Variants in ARFIP1 observed in about 807,000 individuals in gnomAD.
ARFIP1 encodes the protein arfaptin-1.
ARFIP1 carries 24 observed loss-of-function variants against 42.5 expected under a neutral mutation model. That is an observed-to-expected ratio of 0.57 (90% confidence interval 0.41 to 0.80). ARFIP1 has a LOEUF of 0.80. ARFIP1 is among the 30% of genes least tolerant of loss of function. ARFIP1 has a pLI of 0.00. For missense variants in ARFIP1, 354 were observed against 434.0 expected, an observed-to-expected ratio of 0.82 and a Z score of 1.64; for synonymous variants, 141 against 153.7, an observed-to-expected ratio of 0.92 and a Z score of 0.61.
chr4:152,808,293 T>G (rs1441825598), intron 1 of ARFIP1, among the ~76,000 whole-genome samples: 1 of 105,846 alleles, frequency 9.4e-6, no homozygotes. Flanking sequence ...ATTTTTTTTT[T>G]TTTTTTTTTT....
At chr4:152,783,834 GGTGTGT>G (rs748960689) in intron 1 of ARFIP1, among the ~76,000 whole-genome samples, 4 of 149,858 alleles carry the variant, frequency 2.7e-5, no homozygotes, top group East Asian at 1.9e-4. Flanking sequence ...ATAAGTCTCT[GGTGTGT>G]GTGTGTGTGT....
chr4:152,900,399 T>C (rs1737728359), intron 8 of ARFIP1, among the ~76,000 whole-genome samples: 1 of 152,186 alleles, frequency 6.6e-6, no homozygotes, highest in Admixed American at 6.5e-5. Context: ...GCCTTTTGTT[T>C]TTCCTTCTTA....
chr4:152,818,409 T>C (rs972414486), intron 1 of ARFIP1, among the ~76,000 whole-genome samples: 6 of 152,158 alleles, frequency 3.9e-5, no homozygotes, highest in African/African-American at 1.2e-4. Context: ...GTGGGGAATA[T>C]ATGGGAAGGA....
chr4:152,834,530 C>T (rs1731497723), intron 2 of ARFIP1, among the ~76,000 whole-genome samples: 1 of 152,184 alleles, frequency 6.6e-6, no homozygotes, highest in South Asian at 2.1e-4. Context: ...GGGGAATAGG[C>T]CCCACACAAA....
intron 2 of ARFIP1, among the ~76,000 whole-genome samples, chr4:152,844,001 C>T (rs1400113415): frequency 2.6e-5 from 4 of 152,136 alleles, no homozygotes; most frequent in Admixed American, 2.6e-4. Flanking sequence ...TGGAGTTTTA[C>T]CCCCTGCTCC....
intron 1 of ARFIP1, among the ~76,000 whole-genome samples, chr4:152,814,990 T>A (rs1444176926): frequency 1.3e-5 from 2 of 152,208 alleles, no homozygotes; most frequent in Non-Finnish European, 2.9e-5. Flanking sequence ...GGAGGTTCAG[T>A]AGGGTCTTTG....
intron 2 of ARFIP1, among the ~76,000 whole-genome samples, chr4:152,863,403 T>G (rs1247860033): frequency 1.3e-5 from 2 of 152,232 alleles, no homozygotes; most frequent in Non-Finnish European, 1.5e-5. Flanking sequence ...GTATGTGATG[T>G]ACACAATACC....
chr4:152,780,220 A>G lies in ARFIP1; in HGVS notation c.-16A>G, dbSNP rs1730397536. On this transcript the variant is annotated 5_prime_UTR_variant, in exon 1 of 9. Coordinates refer to ENST00000353617, the MANE Select transcript of ARFIP1 (RefSeq NM_001025595.3). ...GACTTAGAAGCTACCGAGTTACCCT[A>G]AGAAAGGTGAGGGCGGAGCTGGCTC... is the stretch of plus-strand genomic sequence containing the variant. The G allele has an allele frequency of 6.6e-6, 1 of 152,292 alleles. No homozygotes were observed. The highest frequency in any genetic ancestry group is 2.4e-5 in the African/African-American group (1 of 41,434). 9.4% of individuals were successfully genotyped at this position (152,292 alleles called of 1,614,324 possible). A position where few individuals can be genotyped will look rare whatever the true frequency, so the allele number is the denominator to read the frequency against.
At chr4:152,827,072 G>A (rs1029935730) in intron 1 of ARFIP1, among the ~76,000 whole-genome samples, 2 of 152,156 alleles carry the variant, frequency 1.3e-5, no homozygotes, top group Non-Finnish European at 2.9e-5. Flanking sequence ...TTTATAAGAT[G>A]AAAAAGTTTT....
intron 1 of ARFIP1, among the ~76,000 whole-genome samples, chr4:152,783,894 AT>A (rs1730647601): frequency 6.6e-6 from 1 of 152,092 alleles, no homozygotes; most frequent in Non-Finnish European, 1.5e-5. Flanking sequence ...AATTGTAAGT[AT>A]TATAAATTCT....
At chr4:152,831,604 T>G (rs1561128857) in intron 2 of ARFIP1, among the ~76,000 whole-genome samples, 1 of 152,230 alleles carries the variant, frequency 6.6e-6, no homozygotes, top group Non-Finnish European at 1.5e-5. Flanking sequence ...CATCCCATCC[T>G]GGGATAACCA....
At chr4:152,815,133 C>A (rs188116583) in intron 1 of ARFIP1, among the ~76,000 whole-genome samples, 1 of 152,242 alleles carries the variant, frequency 6.6e-6, no homozygotes, top group Non-Finnish European at 1.5e-5. Context: ...TTCCCTGTAT[C>A]TCAGATTTTG....
At chr4:152,804,185 T>A (rs28429929) in intron 1 of ARFIP1, among the ~76,000 whole-genome samples, 7 of 108,414 alleles carry the variant, frequency 6.5e-5, no homozygotes, top group African/African-American at 1.1e-4. Flanking sequence ...TATTATATAT[T>A]ATATATAATA....
At chr4:152,799,194 A>T (rs1731651652) in intron 1 of ARFIP1, among the ~76,000 whole-genome samples, 1 of 150,160 alleles carries the variant, frequency 6.7e-6, no homozygotes, top group Non-Finnish European at 1.5e-5. Flanking sequence ...TTGTCTTTAG[A>T]ATGGTTTGCC....
intron 2 of ARFIP1, among the ~76,000 whole-genome samples, chr4:152,852,456 C>T (rs1244656347): frequency 6.6e-6 from 1 of 151,978 alleles, no homozygotes; most frequent in Non-Finnish European, 1.5e-5. Flanking sequence ...CACGGTGAAA[C>T]CCTGTCTCTA....
At chr4:152,903,860 C>G (rs1169718596) in intron 8 of ARFIP1, among the ~76,000 whole-genome samples, 1 of 152,006 alleles carries the variant, frequency 6.6e-6, no homozygotes, top group Non-Finnish European at 1.5e-5. Context: ...GGGAAACAAA[C>G]TGACTTATAT....
chr4:152,889,523 A>G, intron 8 of ARFIP1, among the ~76,000 whole-genome samples: 1 of 90,634 alleles, frequency 1.1e-5, no homozygotes, highest in Admixed American at 1.5e-4. Context: ...ATATATATAT[A>G]TATATATATA....
chr4:152,908,891 AGTGTGTGTGTGTGTGTGT>A (rs58362465), intron 8 of ARFIP1, among the ~76,000 whole-genome samples: 31 of 132,562 alleles, frequency 2.3e-4, no homozygotes, highest in South Asian at 1.0e-3. Context: ...GCTAGAGAGA[AGTGTGTGTGTGTGTGTGT>A]GTGTGTGTGT....
intron 2 of ARFIP1, among the ~76,000 whole-genome samples, chr4:152,863,090 T>G (rs1222337079): frequency 6.6e-6 from 1 of 152,204 alleles, no homozygotes; most frequent in African/African-American, 2.4e-5. Context: ...TTAACTATTA[T>G]CATTGTGCAA....
Sources: allele counts gnomAD v4.1 joint callset (sites outside exome capture counted in the v4.1 genomes callset), GRCh38; gene constraint gnomAD v4.1.1; transcripts MANE v1.5; gene names NCBI Gene and HGNC (gene_info 2026-07-23, HGNC 2026-07-21).